The following REV3L variants were observed in gnomAD, a reference collection of about 807,000 sequenced individuals.
REV3L encodes the protein REV3 like, DNA directed polymerase zeta catalytic subunit.
A neutral mutation model predicts 299.4 loss-of-function variants in REV3L; 69 were observed. That is an observed-to-expected ratio of 0.23 (90% CI 0.19 to 0.28). The LOEUF (loss-of-function observed/expected upper bound fraction) is 0.28. REV3L is among the 10% of genes least tolerant of loss of function. The pLI, the probability that REV3L is intolerant of heterozygous loss-of-function variation, is 1.00. For missense variants in REV3L, 3,128 were observed against 3,693.8 expected, an observed-to-expected ratio of 0.85 and a Z score of 3.97; for synonymous variants, 1,238 against 1,271.4, an observed-to-expected ratio of 0.97 and a Z score of 0.56.
chr6:111,317,133 T>G (rs1052611333), intron 26 of REV3L, among the ~76,000 whole-genome samples: 5 of 152,152 alleles, frequency 3.3e-5, no homozygotes, highest in Non-Finnish European at 7.4e-5. Context: ...TTTAAGATTC[T>G]TTTTTCTAGC....
Position 111,367,308 on chromosome 6 carries a change from G to T in REV3L, c.6480C>A (p.Phe2160Leu), listed in dbSNP as rs576916590. ...EELPSLAFENFLKPIKDGIQK... is the reference protein window; with the variant it reads ...EELPSLAFENLLKPIKDGIQK... ...GTATACCATCTTTTATTGGCTTTAA[G>T]AAGTTCTCAAAAGCCAATGAAGGCA... Residue 2160 changes from phenylalanine (F) to leucine (L), a missense_variant, in exon 14 of 32, where the codon TTC becomes TTA. Around this residue, in one of 9 missense-constraint regions of REV3L, gnomAD observed 2,409 missense variants for 2,611.8 expected, o/e 0.92. Transcript: ENST00000368802. The T allele has an allele frequency of 6.2e-7, 1 of 1,609,630 alleles. No homozygotes were observed. The highest frequency in any genetic ancestry group is 1.3e-5 in the African/African-American group (1 of 74,556).
intron 1 of REV3L, among the ~76,000 whole-genome samples, 180 bp downstream of exon 1, chr6:111,482,570 A>G (rs565455065): frequency 6.6e-6 from 1 of 151,210 alleles, no homozygotes; most frequent in South Asian, 2.1e-4. Context: ...GCGGACCCAC[A>G]TTTTTGCGGC....
intron 1 of REV3L, among the ~76,000 whole-genome samples, chr6:111,437,217 C>A (rs917120440): frequency 2.9e-4 from 44 of 152,224 alleles, no homozygotes; most frequent in African/African-American, 1.0e-3. Flanking sequence ...TATCATATGA[C>A]CAGCAATTCT....
At chr6:111,412,166 AAC>A in intron 2 of REV3L, 5 of 985,390 alleles carry the variant, frequency 5.1e-6, no homozygotes, top group Non-Finnish European at 3.6e-6. Context: ...ATAAACCTGT[AAC>A]ACACAACCAT....
intron 9 of REV3L, among the ~76,000 whole-genome samples, chr6:111,382,743 G>A (rs1780957907): frequency 6.6e-6 from 1 of 152,166 alleles, no homozygotes; most frequent in Non-Finnish European, 1.5e-5. Context: ...CACGCGCCTG[G>A]TGAGAGAGTA....
At chr6:111,448,839 C>A (rs969004526) in intron 1 of REV3L, among the ~76,000 whole-genome samples, 2 of 149,582 alleles carry the variant, frequency 1.3e-5, no homozygotes, top group African/African-American at 4.9e-5. Context: ...GTATGTTGCC[C>A]AGCCTGGTCT....
At chr6:111,359,151 G>A in intron 16 of REV3L, 137 bp from the exon 17 acceptor site, 1 of 571,584 alleles carries the variant, frequency 1.7e-6, no homozygotes, top group Non-Finnish European at 2.9e-6. Context: ...CAGCTCAGCA[G>A]CACTCCATAT....
At chr6:111,349,538 T>A (rs564802144) in intron 19 of REV3L, among the ~76,000 whole-genome samples, 10 of 152,318 alleles carry the variant, frequency 6.6e-5, no homozygotes, top group Non-Finnish European at 1.2e-4. Context: ...TAAGAAACAC[T>A]TTTTTCTTTA....
At chr6:111,447,153 T>C (rs1164037647) in intron 1 of REV3L, among the ~76,000 whole-genome samples, 2 of 152,226 alleles carry the variant, frequency 1.3e-5, no homozygotes, top group Non-Finnish European at 1.5e-5. Flanking sequence ...ATCTGTTTAT[T>C]GCTAAAATTA....
chr6:111,419,598 A>G (rs146798348), intron 1 of REV3L, among the ~76,000 whole-genome samples: 1 of 152,174 alleles, frequency 6.6e-6, no homozygotes, highest in Non-Finnish European at 1.5e-5. Context: ...AATGCCCCCA[A>G]ATCAGTGGAT....
chr6:111,331,383 T>A (rs1338814143), intron 24 of REV3L, among the ~76,000 whole-genome samples: 2 of 152,216 alleles, frequency 1.3e-5, no homozygotes, highest in African/African-American at 2.4e-5. Flanking sequence ...TAAGTCTGCC[T>A]GATTCTAATA....
chr6:111,476,774 T>C (rs1792992934), intron 1 of REV3L, among the ~76,000 whole-genome samples: 1 of 152,228 alleles, frequency 6.6e-6, no homozygotes, highest in Non-Finnish European at 1.5e-5. Context: ...ATTTTGCAAT[T>C]TCTAAATGGA....
At chr6:111,365,193 C>T (rs1779072629) in intron 15 of REV3L, 72 bp downstream of exon 15, 1 of 974,924 alleles carries the variant, frequency 1.0e-6, no homozygotes, top group Non-Finnish European at 1.5e-6. Flanking sequence ...ACAAAGTTAA[C>T]AATTATCTAA....
chr6:111,455,217 C>A (rs1790031306), intron 1 of REV3L, among the ~76,000 whole-genome samples: 1 of 151,860 alleles, frequency 6.6e-6, no homozygotes, highest in Admixed American at 6.6e-5. Context: ...TCAGGACAGT[C>A]TTGAAGTGTG....
intron 27 of REV3L, among the ~76,000 whole-genome samples, chr6:111,314,423 T>G (rs186640127): frequency 6.6e-6 from 1 of 152,158 alleles, no homozygotes; most frequent in East Asian, 1.9e-4. Context: ...TTTGGGATGT[T>G]CACACCTAGA....
At chr6:111,471,614 T>C (rs1469757170) in intron 1 of REV3L, among the ~76,000 whole-genome samples, 1 of 152,210 alleles carries the variant, frequency 6.6e-6, no homozygotes, top group African/African-American at 2.4e-5. Context: ...TCAATCATAA[T>C]AATGCTATGC....
chr6:111,318,568 C>T (rs1773788160), intron 26 of REV3L, among the ~76,000 whole-genome samples: 1 of 151,950 alleles, frequency 6.6e-6, no homozygotes, highest in African/African-American at 2.4e-5. Flanking sequence ...ATGAATGCAA[C>T]ATTTTTTTTG....
intron 26 of REV3L, among the ~76,000 whole-genome samples, chr6:111,318,635 G>A (rs1773797721): frequency 6.6e-6 from 1 of 152,038 alleles, no homozygotes; most frequent in African/African-American, 2.4e-5. Context: ...GCAATGGCGT[G>A]ATCTCAGCTC....
At chr6:111,421,548 G>C (rs1209973896) in intron 1 of REV3L, among the ~76,000 whole-genome samples, 1 of 152,000 alleles carries the variant, frequency 6.6e-6, no homozygotes, top group Non-Finnish European at 1.5e-5. Context: ...CCCATGGATA[G>C]TAGTTTGCCA....
Sources: gnomAD v4.1 joint callset for allele counts (sites outside exome capture counted in the v4.1 genomes callset) on GRCh38, gnomAD v4.1.1 for gene constraint, gnomAD v4.1.1 regional missense constraint, MANE v1.5 for transcripts, NCBI Gene and HGNC (gene_info 2026-07-23, HGNC 2026-07-21) for gene names.